Variants in CCDC185 observed in about 807,000 individuals in gnomAD.
CCDC185 encodes the protein coiled-coil domain containing 185, also known as coiled-coil domain-containing protein 185.
For synonymous variants in CCDC185, 381 were observed against 348.1 expected, an observed-to-expected ratio of 1.09 and a Z score of -1.05; for missense variants, 982 against 825.3, an observed-to-expected ratio of 1.19 and a Z score of -2.33.
chr1:223,393,531 C>A lies in CCDC185; in HGVS notation c.56C>A (p.Pro19Gln), dbSNP rs766009267. The A allele has an allele frequency of 3.9e-6, 6 of 1,551,698 alleles. No homozygotes were observed. In the African/African-American group the frequency reaches 5.6e-5, roughly 14 times the overall value. ...CCCTACCGGGATCTCTGGGAACCCC[C>A]GCGGCCCGGCGGAGAACGAGAGTCC... ...QPPYRDLWEP[P>Q]RPGGERESTQ... The change falls in exon 1 of 1, where the codon CCG becomes CAG. Residue 19 changes from proline to glutamine, a missense_variant. By Grantham distance (76) the Pro-to-Gln change is moderately conservative (BLOSUM62 -1). Coordinates refer to ENST00000366875, the MANE Select transcript of CCDC185 (RefSeq NM_152610.3). The surrounding 1 kb of genome is among the most constrained non-coding windows in gnomAD (Gnocchi z 4.8).
At position 223,394,005 on chromosome 1, in the gene CCDC185, G is replaced by T; in HGVS notation, c.530G>T (p.Gly177Val). 1 of 1,614,116 alleles carries T rather than the reference G, an allele frequency of 6.2e-7. No individual in the cohort carries two copies. Among genetic ancestry groups the T allele is most frequent in the Non-Finnish European group, 8.5e-7 (1 of 1,180,006 alleles). Residue 177 changes from glycine to valine, a missense_variant, in exon 1 of 1, where the codon GGC (glycine) becomes GTC (valine). Physicochemically the swap from Gly to Val is moderately radical, Grantham distance 109. Coordinates refer to ENST00000366875, the MANE Select transcript of CCDC185 (RefSeq NM_152610.3). ...GGAGACCAGTGGGCAGTGCCACTCG[G>T]CAGACATCTAGGTCGCTGGTCCCCT... The part of the protein sequence containing the change: ...QGGDQWAVPL[G>V]RHLGRWSPSS...
Position 223,395,338 on chromosome 1 carries a change from G to A in CCDC185, c.1863G>A (p.Arg621=), listed in dbSNP as rs867361226. The change falls in exon 1 of 1, where the codon AGG becomes AGA. Residue 621 remains arginine, a synonymous_variant. Transcript: ENST00000366875. Reference sequence around the variant, plus strand: ...AGCTCCGTGCCTGTCAGCAGAACAGGGGTTACTGAGAACCAAGGACGCCTG... The same window carrying A: ...AGCTCCGTGCCTGTCAGCAGAACAGAGGTTACTGAGAACCAAGGACGCCTG... ...EAQLRACQQN[R]GY is the part of the protein sequence containing the mutation. 3 of 1,512,314 alleles carry A rather than the reference G, an allele frequency of 2.0e-6. No homozygotes were observed. The East Asian group carries it at 6.8e-5, about 35-fold the overall frequency. 93.7% of individuals were successfully genotyped at this position (1,512,314 alleles called of 1,614,324 possible). A position where few individuals can be genotyped will look rare whatever the true frequency, so the allele number is the denominator to read the frequency against.
rs765854757 is a variant in CCDC185, at chr1:223,394,359, A to G, written c.884A>G (p.Gln295Arg). ...CTGAAGCGCTCGGATCAGAAGGTCCAGATGACCCTGGAGCGGGAGCGCCGG... is the reference window on the plus strand; with the variant it reads ...CTGAAGCGCTCGGATCAGAAGGTCCGGATGACCCTGGAGCGGGAGCGCCGG... ...EELKRSDQKV[Q>R]MTLERERRLL... The change falls in exon 1 of 1, where the codon CAG becomes CGG. Residue 295 changes from glutamine (Q) to arginine (R), a missense_variant. Gln to Arg is a conservative substitution (Grantham distance 43). Coordinates refer to ENST00000366875, the MANE Select transcript of CCDC185 (RefSeq NM_152610.3). 2 of 1,587,128 alleles carry G rather than the reference A, an allele frequency of 1.3e-6. No homozygotes were observed. The highest frequency in any genetic ancestry group is 2.7e-5 in the African/African-American group (2 of 74,442).
chr1:223,395,194 G>A lies in CCDC185; in HGVS notation c.1719G>A (p.Gln573=), dbSNP rs776258661. The A allele has an allele frequency of 4.3e-6, 7 of 1,613,754 alleles. No homozygotes were observed. Among genetic ancestry groups the A allele is most frequent in the Middle Eastern group, 1.6e-4 (1 of 6,062 alleles). Residue 573 remains glutamine (Q), a synonymous_variant, in exon 1 of 1, where the codon CAG becomes CAA. Coordinates refer to ENST00000366875, the MANE Select transcript of CCDC185 (RefSeq NM_152610.3). ...TTAAGAAAAAGGAGCAGAGGGTGCA[G>A]CACATTTCCCAAGGGAAAGACCCAA... ...EAIKKKEQRV[Q]HISQGKDPNF...
At position 223,394,743 on chromosome 1, in the gene CCDC185, A is replaced by G; in HGVS notation, c.1268A>G (p.Asn423Ser). The change falls in exon 1 of 1, where the codon AAC (asparagine) becomes AGC (serine). Residue 423 changes from asparagine (N) to serine (S), a missense_variant. Transcript: ENST00000366875. The part of the protein sequence containing the change: ...VEGQKKVQDT[N>S]LSSLINYQAR... ...GGCCAGAAGAAGGTCCAGGACACCA[A>G]CCTGAGCTCCCTCATCAATTACCAG... 2 of 1,611,864 alleles carry G rather than the reference A, an allele frequency of 1.2e-6. No individual in the cohort carries two copies. The highest frequency in any genetic ancestry group is 1.1e-5 in the South Asian group (1 of 90,892).
At position 223,394,894 on chromosome 1, in the gene CCDC185, G is replaced by C; in HGVS notation, c.1419G>C (p.Glu473Asp). 1 of 1,614,204 alleles carries C rather than the reference G, an allele frequency of 6.2e-7. No individual in the cohort carries two copies. Among genetic ancestry groups the C allele is most frequent in the East Asian group, 2.2e-5 (1 of 44,868 alleles). Residue 473 changes from glutamate (E) to aspartate (D), a missense_variant, in exon 1 of 1, where the codon GAG (glutamate) becomes GAC (aspartate). Physicochemically the swap from Glu to Asp is conservative, Grantham distance 45 (BLOSUM62 2). Transcript: ENST00000366875. The part of the protein sequence containing the change: ...HQGLRKERQR[E>D]LREKAQKEEE... ...GCCTGAGGAAGGAGCGGCAACGCGA[G>C]CTGAGGGAGAAGGCCCAGAAGGAGG...
chr1:223,395,321 G>C lies in CCDC185; in HGVS notation c.1846G>C (p.Ala616Pro), dbSNP rs777611632. 3 of 1,522,986 alleles carry C rather than the reference G, an allele frequency of 2.0e-6. No individual in the cohort carries two copies. In the Admixed American group the frequency reaches 6.8e-5, roughly 34 times the overall value. 94.3% of individuals were successfully genotyped at this position (1,522,986 alleles called of 1,614,324 possible). A position where few individuals can be genotyped will look rare whatever the true frequency, so the allele number is the denominator to read the frequency against. ...GATGGTACTAGAGGCCCAGCTCCGT[G>C]CCTGTCAGCAGAACAGGGGTTACTG... is the stretch of plus-strand genomic sequence containing the variant. ...DQMVLEAQLRACQQNRGY is the reference protein window; with the variant it reads ...DQMVLEAQLRPCQQNRGY Residue 616 changes from alanine to proline, a missense_variant, in exon 1 of 1, where the codon GCC becomes CCC. Physicochemically the swap from Ala to Pro is conservative, Grantham distance 27. Transcript: ENST00000366875.
chr1:223,394,806 A>G lies in CCDC185; in HGVS notation c.1331A>G (p.Glu444Gly). The G allele has an allele frequency of 6.2e-7, 1 of 1,613,516 alleles. No individual in the cohort carries two copies. The highest frequency in any genetic ancestry group is 8.5e-7 in the Non-Finnish European group (1 of 1,179,546). ...KVLMDCQAKA[E>G]ELLRQLSLEQ... is the part of the protein sequence containing the mutation. ...CTCATGGACTGCCAGGCCAAGGCTGAGGAGCTCCTTAGGCAGCTGTCCCTG... is the reference window on the plus strand; with the variant it reads ...CTCATGGACTGCCAGGCCAAGGCTGGGGAGCTCCTTAGGCAGCTGTCCCTG... Residue 444 changes from glutamate (E) to glycine (G), a missense_variant, in exon 1 of 1, where the codon GAG (glutamate) becomes GGG (glycine). Transcript: ENST00000366875.
At position 223,394,782 on chromosome 1, in the gene CCDC185, T is replaced by G; in HGVS notation, c.1307T>G (p.Leu436Arg). The G allele has an allele frequency of 6.2e-7, 1 of 1,613,432 alleles. No homozygotes were observed. The highest frequency in any genetic ancestry group is 8.5e-7 in the Non-Finnish European group (1 of 1,179,514). The change falls in exon 1 of 1, where the codon CTC becomes CGC. Residue 436 changes from leucine to arginine, a missense_variant. By Grantham distance (102) the Leu-to-Arg change is moderately radical (BLOSUM62 -2). Transcript: ENST00000366875. ...ATCAATTACCAGGCCCGGAAGGTCC[T>G]CATGGACTGCCAGGCCAAGGCTGAG... ...SLINYQARKV[L>R]MDCQAKAEEL... is the part of the protein sequence containing the mutation.
chr1:223,393,922 C>T lies in CCDC185; in HGVS notation c.447C>T (p.Cys149=), dbSNP rs750499309. Residue 149 remains cysteine (C), a synonymous_variant, in exon 1 of 1, where the codon TGC becomes TGT. Transcript: ENST00000366875. This position sits in a 1 kb window ranked among gnomAD's most constrained non-coding sequence, Gnocchi z 4.8. ...CCCAGGGAGACTCGCCCCCGCCTTGCCCCGGAGGAGCTGGCACTCCCCTGA... is the reference window on the plus strand; with the variant it reads ...CCCAGGGAGACTCGCCCCCGCCTTGTCCCGGAGGAGCTGGCACTCCCCTGA... The part of the protein sequence containing the change: ...PLAQGDSPPP[C]PGGAGTPLSG... 2 of 1,612,700 alleles carry T rather than the reference C, an allele frequency of 1.2e-6. No individual in the cohort carries two copies. The highest frequency in any genetic ancestry group is 1.7e-6 in the Non-Finnish European group (2 of 1,179,646).
chr1:223,394,449 C>A lies in CCDC185; in HGVS notation c.974C>A (p.Pro325His). Reference sequence around the variant, plus strand: ...GAGCAGCGCAAGACCCTCCAGAGCCCTGAGCAGCGCGGCCTGCGGCGGGAC... The same window carrying A: ...GAGCAGCGCAAGACCCTCCAGAGCCATGAGCAGCGCGGCCTGCGGCGGGAC... ...EKEQRKTLQS[P>H]EQRGLRRDSQ... Residue 325 changes from proline (P) to histidine (H), a missense_variant, in exon 1 of 1, where the codon CCT (proline) becomes CAT (histidine). Coordinates refer to ENST00000366875, the MANE Select transcript of CCDC185 (RefSeq NM_152610.3). 1 of 1,571,782 alleles carries A rather than the reference C, an allele frequency of 6.4e-7. No homozygotes were observed. Among genetic ancestry groups the A allele is most frequent in the South Asian group, 1.2e-5 (1 of 86,260 alleles).
Position 223,394,959 on chromosome 1 carries a change from C to T in CCDC185, c.1484C>T (p.Ser495Leu). 2.5e-6 allele frequency: 4 copies of T among 1,614,096 alleles called. No homozygotes were observed. Among genetic ancestry groups the T allele is most frequent in the Non-Finnish European group, 3.4e-6 (4 of 1,180,028 alleles). ...CAGGCCAGGTGGCGCGCAGGGGAGT[C>T]AGAGGAACAGAGGAAGATGCGCAAA... Reference protein sequence around the residue: ...LQQARWRAGESEEQRKMRKRI... With the variant: ...LQQARWRAGELEEQRKMRKRI... The change falls in exon 1 of 1, where the codon TCA becomes TTA. Residue 495 changes from serine (S) to leucine (L), a missense_variant. Transcript: ENST00000366875.
rs1055862734 is a variant in CCDC185 at position 223,393,773 on chromosome 1, C to T, written c.298C>T (p.Arg100Trp). 3 of 1,566,072 alleles carry T rather than the reference C, an allele frequency of 1.9e-6. No individual in the cohort carries two copies. The highest frequency in any genetic ancestry group is 3.8e-5 in the Admixed American group (2 of 52,888). Reference protein sequence around the residue: ...RRPLERSRKHRPRSRRLEDAW... With the variant: ...RRPLERSRKHWPRSRRLEDAW... ...GCCCCTGGAACGTTCCAGGAAGCAC[C>T]GGCCCCGCAGCAGGCGCCTGGAAGA... Residue 100 changes from arginine (R) to tryptophan (W), a missense_variant, in exon 1 of 1, where the codon CGG becomes TGG. Arg to Trp is a moderately radical substitution (Grantham distance 101). Transcript: ENST00000366875. This position sits in a 1 kb window ranked among gnomAD's most constrained non-coding sequence, Gnocchi z 4.8.
rs1669596174 is a variant in CCDC185 at position 223,393,443 on chromosome 1, T to C, written c.-33T>C. 5 of 1,431,584 alleles carry C rather than the reference T, an allele frequency of 3.5e-6. No individual in the cohort carries two copies. The highest frequency in any genetic ancestry group is 4.6e-6 in the Non-Finnish European group (5 of 1,093,300). The allele number at this position is 1,431,584 out of a possible 1,614,324, so 88.7% of individuals were successfully genotyped here. A position where few individuals can be genotyped will look rare whatever the true frequency, so the allele number is the denominator to read the frequency against. ...GCGTCCTCGGGAGGTCTCAGGCCCCTTGGGCAGACGCTGCGCGTGCCCAGA... is the reference window on the plus strand; with the variant it reads ...GCGTCCTCGGGAGGTCTCAGGCCCCCTGGGCAGACGCTGCGCGTGCCCAGA... On this transcript the variant is annotated 5_prime_UTR_variant, in exon 1 of 1. Coordinates refer to ENST00000366875, the MANE Select transcript of CCDC185 (RefSeq NM_152610.3). This position sits in a 1 kb window ranked among gnomAD's most constrained non-coding sequence, Gnocchi z 4.8.
At position 223,395,207 on chromosome 1, in the gene CCDC185, G is replaced by A. The variant is rs1480552505; in HGVS notation, c.1732G>A (p.Gly578Arg). ...KEQRVQHISQ[G>R]KDPNFQEFQK... is the part of the protein sequence containing the mutation. ...GCAGAGGGTGCAGCACATTTCCCAA[G>A]GGAAAGACCCAAACTTCCAGGAGTT... Residue 578 changes from glycine (G) to arginine (R), a missense_variant, in exon 1 of 1, where the codon GGG (glycine) becomes AGG (arginine). Gly to Arg is a moderately radical substitution (Grantham distance 125). Transcript: ENST00000366875. The A allele has an allele frequency of 2.5e-6, 4 of 1,612,978 alleles. No individual in the cohort carries two copies. Among genetic ancestry groups the A allele is most frequent in the Admixed American group, 1.7e-5 (1 of 59,778 alleles).
Position 223,395,266 on chromosome 1 carries a change from G to C in CCDC185, c.1791G>C (p.Glu597Asp), listed in dbSNP as rs774650693. Residue 597 changes from glutamate (E) to aspartate (D), a missense_variant, in exon 1 of 1, where the codon GAG (glutamate) becomes GAC (aspartate). Physicochemically the swap from Glu to Asp is conservative, Grantham distance 45. Transcript: ENST00000366875. ...TCCCTCAGGCCTCCAGGAGAGAGGAGAGAGCGCCTCCCAACAGCTCCCTTG... is the reference window on the plus strand; with the variant it reads ...TCCCTCAGGCCTCCAGGAGAGAGGACAGAGCGCCTCCCAACAGCTCCCTTG... The part of the protein sequence containing the change: ...QKLPQASRRE[E>D]RAPPNSSLDQ... 6 of 1,585,264 alleles carry C rather than the reference G, an allele frequency of 3.8e-6. No individual in the cohort carries two copies. Among genetic ancestry groups the C allele is most frequent in the African/African-American group, 1.4e-5 (1 of 73,516 alleles).
At position 223,395,084 on chromosome 1, in the gene CCDC185, C is replaced by T; in HGVS notation, c.1609C>T (p.His537Tyr). The change falls in exon 1 of 1, where the codon CAC becomes TAC. Residue 537 changes from histidine (H) to tyrosine (Y), a missense_variant. Coordinates refer to ENST00000366875, the MANE Select transcript of CCDC185 (RefSeq NM_152610.3). ...GGTGCAGCACCTCCGGGAGCTCAACCACCTGAGGGAGAAAAACCACCACAT... is the reference window on the plus strand; with the variant it reads ...GGTGCAGCACCTCCGGGAGCTCAACTACCTGAGGGAGAAAAACCACCACAT... ...DKVQHLRELN[H>Y]LREKNHHILK... 2 of 1,614,164 alleles carry T rather than the reference C, an allele frequency of 1.2e-6. No individual in the cohort carries two copies. The highest frequency in any genetic ancestry group is 1.7e-6 in the Non-Finnish European group (2 of 1,180,024).
rs768740692 is a variant in CCDC185 at position 223,393,559 on chromosome 1, G to T, written c.84G>T (p.Thr28=). 2.6e-6 allele frequency: 4 copies of T among 1,552,914 alleles called. No individual in the cohort carries two copies. The highest frequency in any genetic ancestry group is 3.5e-6 in the Non-Finnish European group (4 of 1,151,568). The stretch of plus-strand genomic sequence containing the variant: ...GGCCCGGCGGAGAACGAGAGTCCAC[G>T]CAGCGGCTGGGCGGGCAGAGGTCCG... ...PPRPGGERES[T]QRLGGQRSGA... is the part of the protein sequence containing the mutation. Residue 28 remains threonine (T), a synonymous_variant, in exon 1 of 1, where the codon ACG becomes ACT. Coordinates refer to ENST00000366875, the MANE Select transcript of CCDC185 (RefSeq NM_152610.3). The surrounding 1 kb of genome is among the most constrained non-coding windows in gnomAD (Gnocchi z 4.8).
In CCDC185 at chr1:223,394,439, C is replaced by T. The variant is rs886973069; in HGVS notation, c.964C>T (p.Leu322Phe). The T allele has an allele frequency of 1.8e-5, 28 of 1,569,560 alleles. No homozygotes were observed. The highest frequency in any genetic ancestry group is 5.7e-5 in the Admixed American group (3 of 52,708). ...GCAGGAGAAGGAGCAGCGCAAGACC[C>T]TCCAGAGCCCTGAGCAGCGCGGCCT... ...QWQEKEQRKT[L>F]QSPEQRGLRR... Residue 322 changes from leucine (L) to phenylalanine (F), a missense_variant, in exon 1 of 1, where the codon CTC becomes TTC. Transcript: ENST00000366875.
Sources: allele counts gnomAD v4.1 joint callset, GRCh38; gene constraint gnomAD v4.1.1; non-coding constraint Gnocchi (gnomAD v3.1); transcripts MANE v1.5; gene names NCBI Gene and HGNC (gene_info 2026-07-23, HGNC 2026-07-21).